The following TDRD1 variants were observed in gnomAD, a reference collection of about 807,000 sequenced individuals.
The protein encoded by TDRD1 is tudor domain containing 1, also known as tudor domain-containing protein 1.
In TDRD1, 37 loss-of-function variants were observed where a neutral mutation model predicts 140.6. The ratio of observed to expected loss-of-function variants is 0.26; its 90% confidence interval spans 0.20 to 0.35. TDRD1 has a LOEUF of 0.35. TDRD1 is among the 10% of genes least tolerant of loss of function. The pLI, the probability that TDRD1 is intolerant of heterozygous loss-of-function variation, is 1.00. For synonymous variants in TDRD1, 506 were observed against 475.7 expected (o/e 1.06, Z -0.83); for missense variants, 1,243 against 1,393.0 (o/e 0.89, Z 1.71).
At chr10:114,229,100 A>AC (rs2036605009) in intron 25 of TDRD1, among the ~76,000 whole-genome samples, 1 of 7,570 alleles carries the variant, frequency 1.3e-4, no homozygotes, top group Non-Finnish European at 2.2e-4. Context: ...ACAAAACAAA[A>AC]CAAAAAAAAA....
intron 2 of TDRD1, among the ~76,000 whole-genome samples, chr10:114,188,490 A>G (rs1000943266): frequency 3.3e-5 from 5 of 152,222 alleles, no homozygotes; most frequent in East Asian, 1.9e-4. Flanking sequence ...CTTCATGCAT[A>G]TATCGCAAAG....
chr10:114,227,995 C>G (rs750990152), intron 24 of TDRD1, 39 bp downstream of exon 24: 1 of 1,611,320 alleles, frequency 6.2e-7, no homozygotes, highest in East Asian at 2.2e-5. Flanking sequence ...ATACTCCTAA[C>G]GTTTTTAGAA....
intron 25 of TDRD1, among the ~76,000 whole-genome samples, chr10:114,229,826 TTA>T (rs2036654165): frequency 6.6e-6 from 1 of 150,434 alleles, no homozygotes; most frequent in South Asian, 2.1e-4. Flanking sequence ...TATTTTTTTT[TTA>T]TTTTTTATTT....
intron 14 of TDRD1, among the ~76,000 whole-genome samples, chr10:114,212,432 G>C (rs559508801): frequency 6.6e-6 from 1 of 152,094 alleles, no homozygotes; most frequent in Non-Finnish European, 1.5e-5. Flanking sequence ...TTCCAGAAAG[G>C]GTTGACCTAG....
chr10:114,228,070 C>T, exon 25 of TDRD1: 1 of 1,608,614 alleles, frequency 6.2e-7, no homozygotes, highest in Non-Finnish European at 8.5e-7. Context: ...TTCTCTTCCT[C>T]TTAAACAATT....
At chr10:114,205,026 T>C (rs1019965210) in intron 10 of TDRD1, 133 bp downstream of exon 10, 2 of 693,008 alleles carry the variant, frequency 2.9e-6, no homozygotes, top group African/African-American at 3.8e-5. Context: ...ACTGAACCCA[T>C]TCTTGAAATT....
chr10:114,220,788 A>G (rs745848372), exon 19 of TDRD1: 52 of 1,612,130 alleles, frequency 3.2e-5, no homozygotes, highest in Non-Finnish European at 4.3e-5. Context: ...AAGACTTACC[A>G]AATGACAGAC....
intron 3 of TDRD1, among the ~76,000 whole-genome samples, chr10:114,198,495 G>A (rs1252316796): frequency 6.6e-6 from 1 of 152,188 alleles, no homozygotes; most frequent in Non-Finnish European, 1.5e-5. Context: ...CCTTGTGAGG[G>A]TGGAAATCTT....
intron 22 of TDRD1, 130 bp downstream of exon 22, chr10:114,226,346 G>A (rs759047060): frequency 5.3e-4 from 326 of 610,502 alleles, no homozygotes; most frequent in Non-Finnish European, 8.0e-4. Context: ...AATATTAAGA[G>A]TTTTCAAATA....
At chr10:114,179,610 G>A (rs957798292) in intron 1 of TDRD1, 194 bp downstream of exon 1, 1 of 152,220 alleles carries the variant, frequency 6.6e-6, no homozygotes, top group Non-Finnish European at 1.5e-5. Flanking sequence ...GATTCTCTGA[G>A]TTTGGAAATA....
intron 10 of TDRD1, 34 bp from the exon 11 acceptor site, chr10:114,206,210 T>C: frequency 6.8e-7 from 1 of 1,469,346 alleles, no homozygotes; most frequent in Non-Finnish European, 9.5e-7. Flanking sequence ...GTATAGTTTC[T>C]CAATGGAGGC....
Position 114,215,656 on chromosome 10 carries a change from T to A in TDRD1, c.2212+1542T>A, listed in dbSNP as rs1012068897. Among the ~76,000 whole-genome samples, 29 of 152,166 alleles carry A rather than the reference T, an allele frequency of 1.9e-4. 1 individual carries two copies. The highest frequency in any genetic ancestry group is 7.0e-4 in the African/African-American group (29 of 41,436). ...AAGGCCCTGTCTGACCCCATAGTTG[T>A]GAGATTTGTCATTTCTTCATTCAGA... is the stretch of plus-strand genomic sequence containing the variant. On this transcript the variant is annotated intron_variant, in intron 16 of 25. Coordinates refer to ENST00000251864, the Ensembl canonical transcript of TDRD1.
intron 2 of TDRD1, among the ~76,000 whole-genome samples, chr10:114,190,319 T>G (rs1324477596): frequency 2.0e-5 from 3 of 152,212 alleles, no homozygotes; most frequent in African/African-American, 4.8e-5. Flanking sequence ...ACAGTAAATA[T>G]TGATTGAAAT....
At chr10:114,186,519 C>G (rs1478635295) in intron 1 of TDRD1, among the ~76,000 whole-genome samples, 1 of 152,210 alleles carries the variant, frequency 6.6e-6, no homozygotes, top group African/African-American at 2.4e-5. Flanking sequence ...CCTGCCTCAG[C>G]CTCTCAAAGT....
chr10:114,183,478 A>G (rs1344898024), intron 1 of TDRD1, among the ~76,000 whole-genome samples: 1 of 152,082 alleles, frequency 6.6e-6, no homozygotes, highest in Non-Finnish European at 1.5e-5. Context: ...TCATCAACCC[A>G]CCTACCCCAG....
chr10:114,231,425 A>C, intron 25 of TDRD1: 1 of 1,345,668 alleles, frequency 7.4e-7, no homozygotes, highest in Non-Finnish European at 1.0e-6. Flanking sequence ...TGAAATTAAA[A>C]GCCATAGCAA....
chr10:114,231,342 A>G, intron 25 of TDRD1: 1 of 686,598 alleles, frequency 1.5e-6, no homozygotes, highest in Non-Finnish European at 2.5e-6. Context: ...GGTGGTCATT[A>G]ATTTTCTTAA....
chr10:114,206,610 TG>T (rs57335915), intron 11 of TDRD1, among the ~76,000 whole-genome samples: 7,270 of 136,922 alleles, frequency 0.053, 238 homozygotes, highest in Non-Finnish European at 0.073. Context: ...AGTTAGGGTT[TG>T]TTTTTTTTTT....
At chr10:114,216,283 T>G (rs1031278015) in intron 16 of TDRD1, among the ~76,000 whole-genome samples, 1 of 152,236 alleles carries the variant, frequency 6.6e-6, no homozygotes, top group African/African-American at 2.4e-5. Flanking sequence ...CATTGCTGTT[T>G]AGTCTCTATT....
Sources: gnomAD v4.1 joint callset for allele counts (sites outside exome capture counted in the v4.1 genomes callset) on GRCh38, gnomAD v4.1.1 for gene constraint, MANE v1.5 for transcripts, NCBI Gene and HGNC (gene_info 2026-07-23, HGNC 2026-07-21) for gene names.